ITGA4: variants seen among roughly 807,000 people sequenced by gnomAD.
The protein encoded by ITGA4 is integrin alpha-4.
Under a neutral mutation model 133.6 loss-of-function variants are expected in ITGA4, and 63 were observed. The observed-to-expected ratio is 0.47, with a 90% CI of 0.38 to 0.58. The LOEUF (loss-of-function observed/expected upper bound fraction) is 0.58. ITGA4 is among the 20% of genes least tolerant of loss of function. The pLI, the probability that ITGA4 is intolerant of heterozygous loss-of-function variation, is 0.00. For missense variants in ITGA4, 1,076 were observed against 1,252.7 expected (o/e 0.86, Z 2.13); for synonymous variants, 483 against 438.0 (o/e 1.10, Z -1.28).
chr2:181,476,388 A>AT (rs1685677298), intron 4 of ITGA4, among the ~76,000 whole-genome samples: 1 of 152,136 alleles, frequency 6.6e-6, no homozygotes, highest in African/African-American at 2.4e-5. Flanking sequence ...GGTAAGATAT[A>AT]TTTTTTTAAA....
chr2:181,478,368 A>C, intron 4 of ITGA4, among the ~76,000 whole-genome samples: 1 of 152,092 alleles, frequency 6.6e-6, no homozygotes, highest in East Asian at 1.9e-4. Flanking sequence ...GATGACCGTG[A>C]GGAGGTATGT....
At chr2:181,504,688 A>G (rs377141667) in intron 15 of ITGA4, among the ~76,000 whole-genome samples, 22 of 152,156 alleles carry the variant, frequency 1.4e-4, no homozygotes, top group African/African-American at 5.3e-4. Flanking sequence ...TCTTTTGCAT[A>G]TTTATATTCT....
chr2:181,478,866 G>C, intron 5 of ITGA4, 42 bp downstream of exon 5: 1 of 994,886 alleles, frequency 1.0e-6, no homozygotes, highest in East Asian at 2.8e-5. Flanking sequence ...TTTACATATA[G>C]AATCTTAATT....
chr2:181,474,224 C>CT (rs1685622415), intron 2 of ITGA4, among the ~76,000 whole-genome samples: 1 of 152,168 alleles, frequency 6.6e-6, no homozygotes, highest in African/African-American at 2.4e-5. Flanking sequence ...ATAATGATCA[C>CT]TGTGAAGACC....
intron 23 of ITGA4, 84 bp from the exon 24 acceptor site, chr2:181,530,440 A>C: frequency 7.8e-7 from 1 of 1,281,636 alleles, no homozygotes; most frequent in African/African-American, 1.5e-5. Flanking sequence ...AAGATAAGCT[A>C]CTGGAACTTT....
chr2:181,513,175 T>TCC (rs1686539383), intron 17 of ITGA4, among the ~76,000 whole-genome samples: 2 of 152,064 alleles, frequency 1.3e-5, no homozygotes, highest in Admixed American at 1.3e-4. Flanking sequence ...CTCAGCCCTT[T>TCC]CTCTCACTAC....
intron 17 of ITGA4, among the ~76,000 whole-genome samples, chr2:181,514,676 TA>T (rs1686572403): frequency 6.6e-6 from 1 of 152,104 alleles, no homozygotes; most frequent in Admixed American, 6.6e-5. Context: ...AAATCTTTTC[TA>T]AGCTGCAAGT....
intron 10 of ITGA4, among the ~76,000 whole-genome samples, chr2:181,492,202 A>C (rs897550812): frequency 6.6e-6 from 1 of 152,234 alleles, no homozygotes; most frequent in Admixed American, 6.5e-5. Flanking sequence ...TTTGTATATG[A>C]AAGTTTGAAA....
intron 15 of ITGA4, among the ~76,000 whole-genome samples, chr2:181,505,474 T>C (rs1304791153): frequency 1.3e-5 from 2 of 152,094 alleles, no homozygotes; most frequent in East Asian, 3.9e-4. Context: ...TTTTATGTAA[T>C]TGTCCATAAA....
At chr2:181,500,580 T>C (rs376329513) in intron 15 of ITGA4, among the ~76,000 whole-genome samples, 22 of 151,922 alleles carry the variant, frequency 1.4e-4, no homozygotes, top group African/African-American at 5.3e-4. Flanking sequence ...GTACCAGGAG[T>C]GGGAATGTTA....
intron 17 of ITGA4, among the ~76,000 whole-genome samples, chr2:181,513,157 G>A (rs1686538497): frequency 6.6e-6 from 1 of 151,878 alleles, no homozygotes; most frequent in Non-Finnish European, 1.5e-5. Context: ...CACCCTAAAT[G>A]GTCCTCCCTC....
intron 22 of ITGA4, among the ~76,000 whole-genome samples, chr2:181,529,213 T>A (rs1430789116): frequency 6.6e-6 from 1 of 151,336 alleles, no homozygotes; most frequent in Non-Finnish European, 1.5e-5. Context: ...CAAATGATAT[T>A]TTTAAAATAT....
In ITGA4 at chr2:181,530,547, T is replaced by C; in HGVS notation, c.2562T>C (p.Phe854=). 3 of 1,613,176 alleles carry C rather than the reference T, an allele frequency of 1.9e-6. No homozygotes were observed. Among genetic ancestry groups the C allele is most frequent in the Non-Finnish European group, 2.5e-6 (3 of 1,179,300 alleles). The change falls in exon 24 of 28, where the codon TTT becomes TTC. Residue 854 remains phenylalanine, a synonymous_variant. Coordinates refer to ENST00000397033, the MANE Select transcript of ITGA4 (RefSeq NM_000885.6). The part of the protein sequence containing the change: ...DVQTTTGECH[F]ENYQRVCALE... ...AGACTACTACTGGAGAATGCCACTT[T>C]GAAAATTATCAAAGAGTGTGTGCAT...
chr2:181,467,225 TAA>T (rs3835963), intron 2 of ITGA4, among the ~76,000 whole-genome samples: 27 of 149,558 alleles, frequency 1.8e-4, no homozygotes, highest in Non-Finnish European at 3.0e-4. Flanking sequence ...AGCTTCAGCT[TAA>T]AAAAAAAAGA....
At chr2:181,507,856 C>T (rs1574403004) in intron 15 of ITGA4, among the ~76,000 whole-genome samples, 2 of 152,016 alleles carry the variant, frequency 1.3e-5, no homozygotes, top group South Asian at 4.2e-4. Context: ...GATGTGGAAC[C>T]GATGGGTACA....
chr2:181,465,195 A>T (rs1685381495), intron 2 of ITGA4, among the ~76,000 whole-genome samples: 3 of 152,096 alleles, frequency 2.0e-5, no homozygotes, highest in African/African-American at 4.8e-5. Context: ...GTTTTCTAGA[A>T]GTCATTAGAC....
rs1165695261 is a variant in ITGA4, at chr2:181,535,679, T to G, written c.*152T>G. 1.1e-6 allele frequency: 1 copy of G among 907,266 alleles called. No homozygotes were observed. The highest frequency in any genetic ancestry group is 1.6e-6 in the Non-Finnish European group (1 of 633,348). The allele number at this position is 907,266 out of a possible 1,614,324, so 56.2% of individuals were successfully genotyped here. A position where few individuals can be genotyped will look rare whatever the true frequency, so the allele number is the denominator to read the frequency against. ...TATGTCTTCATGCAAGGGGAAAATC[T>G]CAGCAATGATTACTCTTTGAGATAG... On this transcript the variant is annotated 3_prime_UTR_variant, in exon 28 of 28. Transcript: ENST00000397033.
chr2:181,485,006 T>C (rs1685882567), intron 9 of ITGA4, among the ~76,000 whole-genome samples: 1 of 152,170 alleles, frequency 6.6e-6, no homozygotes, highest in Admixed American at 6.5e-5. Context: ...AGAAGAGAAC[T>C]GGTAGCTGTT....
intron 2 of ITGA4, among the ~76,000 whole-genome samples, chr2:181,465,823 C>A (rs952920180): frequency 1.3e-5 from 2 of 152,116 alleles, no homozygotes; most frequent in South Asian, 2.1e-4. Flanking sequence ...TCCCCACTTA[C>A]AAGTGGTGTG....
Sources: gnomAD v4.1 joint callset for allele counts (sites outside exome capture counted in the v4.1 genomes callset) on GRCh38, gnomAD v4.1.1 for gene constraint, MANE v1.5 for transcripts, NCBI Gene and HGNC (gene_info 2026-07-23, HGNC 2026-07-21) for gene names.